The following C10orf88 variants were observed in gnomAD, a reference collection of about 807,000 sequenced individuals.
The protein encoded by C10orf88 is chromosome 10 open reading frame 88.
A neutral mutation model predicts 34.2 loss-of-function variants in C10orf88; 29 were observed. The ratio of observed to expected loss-of-function variants is 0.85; its 90% CI spans 0.63 to 1.16. C10orf88 has a LOEUF of 1.16. C10orf88 is among the 50% of genes most tolerant of loss of function. C10orf88 has a pLI of 0.00. For missense variants in C10orf88, 507 were observed against 533.2 expected (o/e 0.95, Z 0.48); for synonymous variants, 194 against 197.4 (o/e 0.98, Z 0.15).
intron 4 of C10orf88, among the ~76,000 whole-genome samples, chr10:122,942,947 G>A (rs1313845947): frequency 3.3e-3 from 495 of 147,934 alleles, no homozygotes; most frequent in Non-Finnish European, 5.3e-3. Context: ...TGGCCATACT[G>A]CCCAAGGTAA....
intron 4 of C10orf88, among the ~76,000 whole-genome samples, chr10:122,948,198 C>G (rs1394513312): frequency 6.6e-6 from 1 of 152,068 alleles, no homozygotes; most frequent in African/African-American, 2.4e-5. Flanking sequence ...TTTTATTCAC[C>G]TTATTTTTTG....
chr10:122,935,568 T>G (rs1036766948), intron 5 of C10orf88, among the ~76,000 whole-genome samples: 9 of 151,926 alleles, frequency 5.9e-5, no homozygotes, highest in African/African-American at 2.2e-4. Flanking sequence ...TCTCTTACAC[T>G]TTTTCAAAAT....
intron 2 of C10orf88, 76 bp downstream of exon 2, chr10:122,952,753 C>CAAT: frequency 6.5e-7 from 1 of 1,542,424 alleles, no homozygotes; most frequent in African/African-American, 1.4e-5. Flanking sequence ...ATCAGAGAAT[C>CAAT]AATAATTATT....
At chr10:122,934,915 T>C (rs1180120224) in intron 5 of C10orf88, among the ~76,000 whole-genome samples, 4 of 152,150 alleles carry the variant, frequency 2.6e-5, no homozygotes, top group Non-Finnish European at 5.9e-5. Context: ...TAAGTCAATG[T>C]TGATCAACTT....
In C10orf88 at chr10:122,952,027, C is replaced by G. The variant is rs1554861859; in HGVS notation, c.369-1G>C. 3.6e-5 allele frequency: 51 copies of G among 1,405,296 alleles called. No individual in the cohort carries two copies. Among genetic ancestry groups the G allele is most frequent in the Non-Finnish European group, 4.9e-5 (50 of 1,012,882 alleles). 87.1% of individuals were successfully genotyped at this position (1,405,296 alleles called of 1,614,324 possible). ...ATACAAAATGATCTTTTCATGTTCA[C>G]TAAAAATAAAAAAGAATTAATTTTT... On this transcript the variant is annotated splice_acceptor_variant, in intron 2 of 5. Transcript: ENST00000481909. LOFTEE classifies it high-confidence loss of function.
intron 4 of C10orf88, among the ~76,000 whole-genome samples, chr10:122,940,390 G>T (rs1366898816): frequency 6.6e-6 from 1 of 151,910 alleles, no homozygotes; most frequent in Non-Finnish European, 1.5e-5. Context: ...TAGAATGGTG[G>T]TTGCTAGGAG....
At chr10:122,937,558 A>T in intron 5 of C10orf88, 147 bp downstream of exon 5, 2 of 635,812 alleles carry the variant, frequency 3.1e-6, no homozygotes, top group South Asian at 2.1e-5. Flanking sequence ...TATCCCCTTT[A>T]AGTGTATTAA....
intron 3 of C10orf88, among the ~76,000 whole-genome samples, chr10:122,950,324 TC>T (rs1447130417): frequency 6.6e-6 from 1 of 152,198 alleles, no homozygotes; most frequent in Non-Finnish European, 1.5e-5. Context: ...TATTTGAACT[TC>T]CATATACTAT....
At position 122,954,180 on chromosome 10, in the gene C10orf88, C is replaced by A; in HGVS notation, c.-2G>T. ...CCCGTCCTCGGTCCGCGTCTCCATT[C>A]CGCCGCCTTCAGTCAGGCCAGCCCA... On this transcript the variant is annotated 5_prime_UTR_variant, in exon 1 of 6. Transcript: ENST00000481909. The A allele has an allele frequency of 6.4e-7, 1 of 1,561,450 alleles. No individual in the cohort carries two copies. Among genetic ancestry groups the A allele is most frequent in the Non-Finnish European group, 8.6e-7 (1 of 1,160,844 alleles).
At position 122,938,171 on chromosome 10, in the gene C10orf88, A is replaced by T. The variant is rs1208304237; in HGVS notation, c.649-12T>A. 6 of 1,559,786 alleles carry T rather than the reference A, an allele frequency of 3.8e-6. No homozygotes were observed. The highest frequency in any genetic ancestry group is 5.2e-6 in the Non-Finnish European group (6 of 1,154,022). On this transcript the variant is annotated splice_polypyrimidine_tract_variant and intron_variant, in intron 4 of 5. Transcript: ENST00000481909. ...ATGGGAATACAATTCTAAACAAGGT[A>T]AACAAGTAAATGTTAATATTAATAA... is the stretch of plus-strand genomic sequence containing the variant.
chr10:122,945,940 TA>T (rs1477018958), intron 4 of C10orf88, among the ~76,000 whole-genome samples: 21 of 151,706 alleles, frequency 1.4e-4, no homozygotes, highest in Non-Finnish European at 2.5e-4. Flanking sequence ...CTACTAAAAA[TA>T]AAAAAATTAG....
chr10:122,938,227 A>G (rs1848552838), intron 4 of C10orf88, 68 bp from the exon 5 acceptor site: 3 of 1,274,708 alleles, frequency 2.4e-6, no homozygotes, highest in Non-Finnish European at 1.1e-6. Flanking sequence ...AGTAATTACT[A>G]TGAGTCAGGC....
In C10orf88 at chr10:122,932,487, G is replaced by A; in HGVS notation, c.1278C>T (p.Pro426=). The A allele has an allele frequency of 6.2e-7, 1 of 1,613,984 alleles. No homozygotes were observed. The highest frequency in any genetic ancestry group is 8.5e-7 in the Non-Finnish European group (1 of 1,179,942). ...LDLLQNPNSP[P]TGIPLRHYDS... ...CATAATGTCTTAGAGGTATCCCAGT[G>A]GGCGGGGAGTTAGGATTTTGCAGCA... The change falls in exon 6 of 6, where the codon CCC becomes CCT. Residue 426 remains proline (P), a synonymous_variant. Coordinates refer to ENST00000481909, the MANE Select transcript of C10orf88 (RefSeq NM_024942.4).
At chr10:122,945,600 G>A (rs1311174805) in intron 4 of C10orf88, among the ~76,000 whole-genome samples, 1 of 151,404 alleles carries the variant, frequency 6.6e-6, no homozygotes, top group Non-Finnish European at 1.5e-5. Context: ...GTAGGCCTAG[G>A]GTAATGTGTA....
At chr10:122,951,181 C>T (rs965375250) in intron 3 of C10orf88, among the ~76,000 whole-genome samples, 1 of 152,174 alleles carries the variant, frequency 6.6e-6, no homozygotes, top group African/African-American at 2.4e-5. Flanking sequence ...AGACAACAGT[C>T]CAATCCCTTT....
chr10:122,954,175 C>T lies in C10orf88; in HGVS notation c.4G>A (p.Glu2Lys). 1 of 1,565,754 alleles carries T rather than the reference C, an allele frequency of 6.4e-7. No individual in the cohort carries two copies. Among genetic ancestry groups the T allele is most frequent in the Non-Finnish European group, 8.6e-7 (1 of 1,162,640 alleles). METRTEDGGLTR... is the reference protein window; with the variant it reads MKTRTEDGGLTR... ...AGGCCCCCGTCCTCGGTCCGCGTCT[C>T]CATTCCGCCGCCTTCAGTCAGGCCA... The change falls in exon 1 of 6, where the codon GAG becomes AAG. Residue 2 changes from glutamate to lysine, a missense_variant. Glu to Lys is a moderately conservative substitution (Grantham distance 56). Transcript: ENST00000481909.
intron 4 of C10orf88, among the ~76,000 whole-genome samples, 181 bp from the exon 5 acceptor site, chr10:122,938,340 C>A (rs1272469523): frequency 6.6e-6 from 1 of 151,982 alleles, no homozygotes; most frequent in African/African-American, 2.4e-5. Context: ...GGTACCTAGC[C>A]AAGGTAACCA....
Position 122,932,660 on chromosome 10 carries a change from T to A in C10orf88, c.1105A>T (p.Met369Leu). The A allele has an allele frequency of 6.3e-7, 1 of 1,581,856 alleles. No individual in the cohort carries two copies. The highest frequency in any genetic ancestry group is 8.6e-7 in the Non-Finnish European group (1 of 1,161,622). ...KHGERILGVG[M>L]EEQSICSYLE... ...TAGGAGCAAATAGATTGCTCTTCCA[T>A]TCTAAAAATACATTTTTAAAAATGT... The change falls in exon 6 of 6, where the codon ATG (methionine) becomes TTG (leucine). Residue 369 changes from methionine (M) to leucine (L), a missense_variant and splice_region_variant. By Grantham distance (15) the Met-to-Leu change is conservative. Coordinates refer to ENST00000481909, the MANE Select transcript of C10orf88 (RefSeq NM_024942.4).
At chr10:122,939,542 G>C (rs1226201770) in intron 4 of C10orf88, among the ~76,000 whole-genome samples, 1 of 151,842 alleles carries the variant, frequency 6.6e-6, no homozygotes, top group Non-Finnish European at 1.5e-5. Flanking sequence ...TCTTTATAGA[G>C]AAATGTTAAC....
Sources: gnomAD v4.1 joint callset for allele counts (sites outside exome capture counted in the v4.1 genomes callset) on GRCh38, gnomAD v4.1.1 for gene constraint, MANE v1.5 for transcripts, NCBI Gene and HGNC (gene_info 2026-07-23, HGNC 2026-07-21) for gene names.